Variants in DLGAP4 observed in about 807,000 individuals in gnomAD.
DLGAP4 encodes disks large-associated protein 4.
A neutral mutation model predicts 86.9 loss-of-function variants in DLGAP4; 18 were observed. That is an observed-to-expected ratio of 0.21 (90% CI 0.14 to 0.31). The LOEUF is 0.31. DLGAP4 is among the 10% of genes least tolerant of loss of function. The probability of loss-of-function intolerance (pLI) is 1.00; values close to 1 mark genes in which losing one functional copy is unlikely to be tolerated. For missense variants in DLGAP4, 1,085 were observed against 1,362.6 expected (o/e 0.80, Z 3.21); for synonymous variants, 548 against 574.3 (o/e 0.95, Z 0.65).
chr20:36,424,874 T>C (rs1186924616), intron 2 of DLGAP4, among the ~76,000 whole-genome samples: 1 of 152,144 alleles, frequency 6.6e-6, no homozygotes, highest in Non-Finnish European at 1.5e-5. Flanking sequence ...TGGCTGGGAT[T>C]ATAGGCTCAA....
rs1424346039 is a variant in DLGAP4, at chr20:36,528,135, CCTTT to C, written c.*1105_*1108del. 2 of 152,538 alleles carry C rather than the reference CCTTT, an allele frequency of 1.3e-5. No homozygotes were observed. The highest frequency in any genetic ancestry group is 1.9e-4 in the East Asian group (1 of 5,176). 9.4% of individuals were successfully genotyped at this position (152,538 alleles called of 1,614,324 possible). A position where few individuals can be genotyped will look rare whatever the true frequency, so the allele number is the denominator to read the frequency against. ...AATATATACCTTGTGTGTAAGCAGC[CCTTT>C]TTTTTTTTGGTCTCCACCCCCCTCC... On this transcript the variant is annotated 3_prime_UTR_variant, in exon 13 of 13. Coordinates refer to ENST00000339266, the MANE Select transcript of DLGAP4 (RefSeq NM_001365621.2).
intron 1 of DLGAP4, among the ~76,000 whole-genome samples, chr20:36,345,721 T>C (rs973882858): frequency 2.0e-5 from 3 of 152,072 alleles, no homozygotes; most frequent in Non-Finnish European, 4.4e-5. Context: ...TGTAAGGGCT[T>C]TTCTTCAGGA....
chr20:36,427,875 A>C (rs899682075), intron 2 of DLGAP4, among the ~76,000 whole-genome samples: 1 of 152,118 alleles, frequency 6.6e-6, no homozygotes, highest in African/African-American at 2.4e-5. Context: ...CCCAGGAGGC[A>C]GAGGTTGCAG....
intron 11 of DLGAP4, among the ~76,000 whole-genome samples, chr20:36,525,170 A>G (rs1197774228): frequency 1.1e-4 from 15 of 132,696 alleles, no homozygotes; most frequent in Admixed American, 1.7e-4. Flanking sequence ...GTGAGCCGAG[A>G]TCGCGTCACT....
At chr20:36,482,031 C>G (rs2035209644) in intron 7 of DLGAP4, among the ~76,000 whole-genome samples, 1 of 152,138 alleles carries the variant, frequency 6.6e-6, no homozygotes, top group Non-Finnish European at 1.5e-5. Flanking sequence ...CCGGGTGTGC[C>G]TGGCACAGAG....
chr20:36,433,367 G>C (rs758473684), intron 3 of DLGAP4, among the ~76,000 whole-genome samples: 1 of 152,228 alleles, frequency 6.6e-6, no homozygotes, highest in South Asian at 2.1e-4. Context: ...TCTTTCAAAT[G>C]CCAACACTGA....
chr20:36,502,430 G>A (rs1393643728), intron 10 of DLGAP4, among the ~76,000 whole-genome samples: 13 of 152,156 alleles, frequency 8.5e-5, no homozygotes, highest in Admixed American at 8.5e-4. Flanking sequence ...GCTCACTGCA[G>A]CCTCAAACTC....
intron 2 of DLGAP4, among the ~76,000 whole-genome samples, chr20:36,417,256 A>G (rs2147512036): frequency 6.6e-6 from 1 of 152,344 alleles, no homozygotes; most frequent in African/African-American, 2.4e-5. Context: ...GGTGGATGGA[A>G]CAGCATGGGC....
At chr20:36,462,349 C>T in intron 7 of DLGAP4, 1 of 1,374,412 alleles carries the variant, frequency 7.3e-7, no homozygotes. Flanking sequence ...TTTGCTCTCC[C>T]TGCCCCTCTG....
intron 2 of DLGAP4, among the ~76,000 whole-genome samples, chr20:36,398,908 G>T (rs1409053037): frequency 6.6e-6 from 1 of 152,104 alleles, no homozygotes; most frequent in African/African-American, 2.4e-5. Context: ...ACACAGCAAG[G>T]CTGGCCAGGC....
intron 2 of DLGAP4, among the ~76,000 whole-genome samples, chr20:36,394,597 CGTGA>C (rs1555897668): frequency 2.6e-5 from 4 of 152,172 alleles, no homozygotes; most frequent in Non-Finnish European, 5.9e-5. Flanking sequence ...CACGAGCCTC[CGTGA>C]GTAATTCCAG....
intron 3 of DLGAP4, among the ~76,000 whole-genome samples, chr20:36,435,333 G>A (rs2033243046): frequency 6.6e-6 from 1 of 152,194 alleles, no homozygotes; most frequent in Admixed American, 6.5e-5. Flanking sequence ...AATGTAGCCT[G>A]TGTGCACTGC....
At chr20:36,482,984 C>T (rs972423898) in intron 7 of DLGAP4, among the ~76,000 whole-genome samples, 12 of 152,140 alleles carry the variant, frequency 7.9e-5, no homozygotes, top group Non-Finnish European at 2.9e-5. Context: ...ATGGTTATAG[C>T]TTTGATAAAC....
At chr20:36,441,493 T>C (rs2033446043) in intron 5 of DLGAP4, among the ~76,000 whole-genome samples, 1 of 152,208 alleles carries the variant, frequency 6.6e-6, no homozygotes, top group Non-Finnish European at 1.5e-5. Flanking sequence ...ACCTTATCAC[T>C]GCCTGGAACT....
At chr20:36,404,486 C>A (rs1266424575) in intron 2 of DLGAP4, among the ~76,000 whole-genome samples, 1 of 152,208 alleles carries the variant, frequency 6.6e-6, no homozygotes, top group African/African-American at 2.4e-5. Context: ...AGCAGATAAG[C>A]TGTGACTGGC....
At chr20:36,378,788 T>G (rs565787894) in intron 2 of DLGAP4, among the ~76,000 whole-genome samples, 2 of 151,848 alleles carry the variant, frequency 1.3e-5, no homozygotes, top group South Asian at 4.2e-4. Flanking sequence ...GACGCTTGAG[T>G]GTCAGCCACA....
intron 7 of DLGAP4, chr20:36,461,633 G>C: frequency 1.1e-6 from 1 of 923,992 alleles, no homozygotes; most frequent in South Asian, 4.9e-5. Flanking sequence ...CGGAGCAGCC[G>C]CGGCCCCGCG....
At chr20:36,361,166 C>T (rs1438389596) in intron 1 of DLGAP4, among the ~76,000 whole-genome samples, 2 of 151,956 alleles carry the variant, frequency 1.3e-5, no homozygotes, top group African/African-American at 4.8e-5. Flanking sequence ...AAGAGTCTTG[C>T]GGAGAGGAGA....
At position 36,351,081 on chromosome 20, in the gene DLGAP4, A is replaced by G. The variant is rs117166520; in HGVS notation, c.-303-15964A>G. ...ACAACTTCCAGTTCCTCTTCTGTGA[A>G]ATGGGGATCGTAAGAGAGGCTGCTC... On this transcript the variant is annotated intron_variant, in intron 1 of 12. Transcript: ENST00000339266. 7.9e-5 allele frequency among the ~76,000 whole-genome samples: 12 copies of G among 152,340 alleles called. No homozygotes were observed. In the East Asian group the frequency reaches 2.3e-3, roughly 29 times the overall value.
Sources: allele counts gnomAD v4.1 joint callset (sites outside exome capture counted in the v4.1 genomes callset), GRCh38; gene constraint gnomAD v4.1.1; transcripts MANE v1.5; gene names NCBI Gene and HGNC (gene_info 2026-07-23, HGNC 2026-07-21).